The following PCDHGA12 variants were observed in gnomAD, a reference collection of about 807,000 sequenced individuals.
PCDHGA12 encodes protocadherin gamma-A12.
A neutral mutation model predicts 61.1 loss-of-function variants in PCDHGA12; 43 were observed. That is an observed-to-expected ratio of 0.70 (90% CI 0.55 to 0.91). The LOEUF (loss-of-function observed/expected upper bound fraction) is 0.91, where lower values mean the gene tolerates loss of function less well. PCDHGA12 is among the 40% of genes least tolerant of loss of function. PCDHGA12 has a pLI of 0.00. For synonymous variants in PCDHGA12, 520 were observed against 542.9 expected (o/e 0.96, Z 0.59); for missense variants, 1,236 against 1,227.7 (o/e 1.01, Z -0.10).
At chr5:141,468,924 C>G (rs1434433938) in intron 1 of PCDHGA12, among the ~76,000 whole-genome samples, 1 of 150,520 alleles carries the variant, frequency 6.6e-6, no homozygotes, top group Non-Finnish European at 1.5e-5. Context: ...GAGAATAGCA[C>G]TAAAATGGGA....
chr5:141,496,251 G>A (rs746722054), intron 2 of PCDHGA12, among the ~76,000 whole-genome samples: 7 of 152,150 alleles, frequency 4.6e-5, no homozygotes, highest in African/African-American at 7.2e-5. Context: ...TGAAGGGGAG[G>A]GAAACTTCAG....
At chr5:141,435,863 C>T (rs772361494) in intron 1 of PCDHGA12, among the ~76,000 whole-genome samples, 16 of 151,882 alleles carry the variant, frequency 1.1e-4, no homozygotes, top group Non-Finnish European at 2.2e-4. Context: ...TAGTTAAAAC[C>T]CAGAAAAGAG....
intron 1 of PCDHGA12, among the ~76,000 whole-genome samples, chr5:141,446,482 C>CT (rs112180482): frequency 6.3e-4 from 92 of 147,004 alleles, no homozygotes; most frequent in East Asian, 4.0e-3. Context: ...GGTCATCATT[C>CT]TTTTTTTTTT....
chr5:141,487,127 A>T lies in PCDHGA12; in HGVS notation c.2425-7680A>T. ...GGTCATTGTGGTAAAGGATAGTGGT[A>T]GTCCACCACTCTCTACCTCTGTTAC... On this transcript the variant is annotated intron_variant, in intron 1 of 3. Coordinates refer to ENST00000252085, the MANE Select transcript of PCDHGA12 (RefSeq NM_003735.3). The surrounding 1 kb of genome is among the most constrained non-coding windows in gnomAD (Gnocchi z 5.0). 6.2e-7 allele frequency: 1 copy of T among 1,613,334 alleles called. No individual in the cohort carries two copies. Among genetic ancestry groups the T allele is most frequent in the Admixed American group, 1.7e-5 (1 of 60,026 alleles).
At chr5:141,452,948 G>A (rs2098752873) in intron 1 of PCDHGA12, among the ~76,000 whole-genome samples, 1 of 152,134 alleles carries the variant, frequency 6.6e-6, no homozygotes, top group African/African-American at 2.4e-5. Context: ...CTTGCAATTG[G>A]TTGTCTTTAA....
chr5:141,438,591 CATATATATATAT>C lies in PCDHGA12; in HGVS notation c.2424+5442_2424+5453del, dbSNP rs946798767. ...TCTGATATACATACATACATACATACATATATATATATATATATATATATATATATATATATA... is the reference window on the plus strand; with the variant it reads ...TCTGATATACATACATACATACATACATATATATATATATATATATATATA... On this transcript the variant is annotated intron_variant, in intron 1 of 3. Coordinates refer to ENST00000252085, the MANE Select transcript of PCDHGA12 (RefSeq NM_003735.3). Among the ~76,000 whole-genome samples the C allele has an allele frequency of 1.5e-4, 11 of 75,568 alleles. No homozygotes were observed. The East Asian group carries it at 2.8e-3, about 19-fold the overall frequency. The allele number at this position is 75,568 out of a possible 152,430, so 49.6% of individuals were successfully genotyped here.
At chr5:141,468,330 CAAA>C (rs533390277) in intron 1 of PCDHGA12, 32,113 of 79,068 alleles carry the variant, frequency 0.41, 3,870 homozygotes, top group African/African-American at 0.52. Flanking sequence ...AACTCCATCT[CAAA>C]AAAAAAAAAA....
rs1190445239 is a variant in PCDHGA12 at position 141,431,331 on chromosome 5, A to T, written c.572A>T (p.Tyr191Phe). 1 of 1,614,062 alleles carries T rather than the reference A, an allele frequency of 6.2e-7. No individual in the cohort carries two copies. The highest frequency in any genetic ancestry group is 1.7e-5 in the Admixed American group (1 of 60,026). The change falls in exon 1 of 4, where the codon TAC (tyrosine) becomes TTC (phenylalanine). Residue 191 changes from tyrosine to phenylalanine, a missense_variant. Tyr to Phe is a conservative substitution (Grantham distance 22). Coordinates refer to ENST00000252085, the MANE Select transcript of PCDHGA12 (RefSeq NM_003735.3). The surrounding 1 kb of genome is among the most constrained non-coding windows in gnomAD (Gnocchi z 4.8). ...CAAAATGGAGCCGACGGTAGTAAGT[A>T]CCCCGAATTGGTGCTGAAACGCGCC... ...IVQNGADGSKYPELVLKRALD... is the reference protein window; with the variant it reads ...IVQNGADGSKFPELVLKRALD...
intron 1 of PCDHGA12, among the ~76,000 whole-genome samples, chr5:141,446,764 G>A (rs2098514605): frequency 6.6e-6 from 1 of 152,214 alleles, no homozygotes; most frequent in Non-Finnish European, 1.5e-5. Context: ...ACCGCGCCCA[G>A]CCGGTTACCA....
Position 141,489,600 on chromosome 5 carries a change from G to A in PCDHGA12, c.2425-5207G>A, listed in dbSNP as rs1407225048. 8.1e-6 allele frequency: 13 copies of A among 1,614,034 alleles called. No homozygotes were observed. Among genetic ancestry groups the A allele is most frequent in the Non-Finnish European group, 1.1e-5 (13 of 1,179,962 alleles). ...ACCCCCTGGAGCTAATCCGTGTAGA[G>A]GTAGAGATCCTGGATCTCAATGACA... On this transcript the variant is annotated intron_variant, in intron 1 of 3. Transcript: ENST00000252085. This position sits in a 1 kb window ranked among gnomAD's most constrained non-coding sequence, Gnocchi z 4.5.
chr5:141,509,300 G>A (rs987250093), intron 3 of PCDHGA12, among the ~76,000 whole-genome samples: 5 of 152,216 alleles, frequency 3.3e-5, no homozygotes, highest in African/African-American at 1.2e-4. Flanking sequence ...GGTGGAGGCA[G>A]AGGGAGGCTG....
At chr5:141,451,807 G>A (rs896081470) in intron 1 of PCDHGA12, among the ~76,000 whole-genome samples, 5 of 150,778 alleles carry the variant, frequency 3.3e-5, no homozygotes, top group African/African-American at 1.2e-4. Flanking sequence ...CTTGAACCCA[G>A]GAGGCGGAGG....
chr5:141,437,116 GA>G (rs914218907), intron 1 of PCDHGA12, among the ~76,000 whole-genome samples: 4 of 152,150 alleles, frequency 2.6e-5, no homozygotes, highest in African/African-American at 9.7e-5. Flanking sequence ...GGATTTTTAG[GA>G]CACTTGTTGA....
At position 141,489,090 on chromosome 5, in the gene PCDHGA12, C is replaced by A; in HGVS notation, c.2425-5717C>A. On this transcript the variant is annotated intron_variant, in intron 1 of 3. Transcript: ENST00000252085. The surrounding 1 kb of genome is among the most constrained non-coding windows in gnomAD (Gnocchi z 4.5). Reference sequence around the variant, plus strand: ...CCTGCCCACCCCCGCCACTCGGTGACTAAGAACTGCTGCAAGCAGGCAAAC... The same window carrying A: ...CCTGCCCACCCCCGCCACTCGGTGAATAAGAACTGCTGCAAGCAGGCAAAC... The A allele has an allele frequency of 1.5e-5, 5 of 328,802 alleles. No individual in the cohort carries two copies. The highest frequency in any genetic ancestry group is 4.8e-5 in the East Asian group (1 of 20,928). 20.4% of individuals were successfully genotyped at this position (328,802 alleles called of 1,614,324 possible).
chr5:141,432,506 G>A lies in PCDHGA12; in HGVS notation c.1747G>A (p.Glu583Lys). 3 of 1,614,140 alleles carry A rather than the reference G, an allele frequency of 1.9e-6. No homozygotes were observed. Among genetic ancestry groups the A allele is most frequent in the Non-Finnish European group, 2.5e-6 (3 of 1,180,036 alleles). Residue 583 changes from glutamate to lysine, a missense_variant, in exon 1 of 4, where the codon GAG becomes AAG. Physicochemically the swap from Glu to Lys is moderately conservative, Grantham distance 56. Transcript: ENST00000252085. This position sits in a 1 kb window ranked among gnomAD's most constrained non-coding sequence, Gnocchi z 6.0. The part of the protein sequence containing the change: ...TGVELAPRSA[E>K]PGYLVTKVVA... ...CGTGGAGCTGGCTCCCCGCTCCGCA[G>A]AGCCCGGCTACCTGGTGACCAAGGT... is the stretch of plus-strand genomic sequence containing the variant.
At position 141,486,094 on chromosome 5, in the gene PCDHGA12, C is replaced by G. The variant is rs749887136; in HGVS notation, c.2425-8713C>G. 2 of 1,614,112 alleles carry G rather than the reference C, an allele frequency of 1.2e-6. No homozygotes were observed. Among genetic ancestry groups the G allele is most frequent in the Admixed American group, 3.3e-5 (2 of 60,018 alleles). ...CTGGAAAGCTTACTCTTTTGGGGCCCCTAGACTTTGAGAGTGAGAATTACT... is the reference window on the plus strand; with the variant it reads ...CTGGAAAGCTTACTCTTTTGGGGCCGCTAGACTTTGAGAGTGAGAATTACT... On this transcript the variant is annotated intron_variant, in intron 1 of 3. Coordinates refer to ENST00000252085, the MANE Select transcript of PCDHGA12 (RefSeq NM_003735.3). The surrounding 1 kb of genome is among the most constrained non-coding windows in gnomAD (Gnocchi z 5.0).
chr5:141,456,942 A>C (rs11737987), intron 1 of PCDHGA12, among the ~76,000 whole-genome samples: 42,405 of 152,066 alleles, frequency 0.28, 6,638 homozygotes, highest in African/African-American at 0.43. Flanking sequence ...CAGCCTGGGC[A>C]ACAGAGCAAA....
At chr5:141,451,302 G>A (rs1445994098) in intron 1 of PCDHGA12, among the ~76,000 whole-genome samples, 1 of 152,208 alleles carries the variant, frequency 6.6e-6, no homozygotes, top group Non-Finnish European at 1.5e-5. Context: ...GTCTTACAAG[G>A]CAGCAATTAA....
rs2097333608 is a variant in PCDHGA12, at chr5:141,430,991, A to T, written c.232A>T (p.Asn78Tyr). The T allele has an allele frequency of 6.2e-7, 1 of 1,613,980 alleles. No homozygotes were observed. Among genetic ancestry groups the T allele is most frequent in the African/African-American group, 1.3e-5 (1 of 75,062 alleles). The change falls in exon 1 of 4, where the codon AAT becomes TAT. Residue 78 changes from asparagine to tyrosine, a missense_variant. Asn to Tyr is a moderately radical substitution (Grantham distance 143). Transcript: ENST00000252085. The stretch of plus-strand genomic sequence containing the variant: ...AGGTAGGACGCAGCTTTTCGCCCTG[A>T]ATCCGCGCAGCGGCAGCTTGGTCAC... ...PRGRTQLFAL[N>Y]PRSGSLVTAG...
Sources: gnomAD v4.1 joint callset for allele counts (sites outside exome capture counted in the v4.1 genomes callset) on GRCh38, gnomAD v4.1.1 for gene constraint, Gnocchi (gnomAD v3.1) non-coding constraint, MANE v1.5 for transcripts, NCBI Gene and HGNC (gene_info 2026-07-23, HGNC 2026-07-21) for gene names.